The following USP53 variants were observed in gnomAD, a reference collection of about 807,000 sequenced individuals.
USP53 encodes ubiquitin carboxyl-terminal hydrolase 53.
Under a neutral mutation model 94.9 loss-of-function variants are expected in USP53, and 71 were observed. The ratio of observed to expected loss-of-function variants is 0.75; its 90% CI spans 0.62 to 0.91. The LOEUF (loss-of-function observed/expected upper bound fraction) is 0.91. Among genes scored for constraint, USP53 ranks in the 40% least tolerant of loss-of-function variants. USP53 has a pLI of 0.00. For missense variants in USP53, 1,173 were observed against 1,281.0 expected (o/e 0.92, Z 1.29); for synonymous variants, 375 against 422.7 (o/e 0.89, Z 1.39).
chr4:119,233,014 A>G (rs1746266417), intron 3 of USP53, among the ~76,000 whole-genome samples: 2 of 151,574 alleles, frequency 1.3e-5, no homozygotes, highest in Non-Finnish European at 2.9e-5. Flanking sequence ...TAAGCTTTTC[A>G]TTTTTTCTTG....
rs778653161 is a variant in USP53 at position 119,293,229 on chromosome 4, C to A, written c.*18C>A. 6.4e-7 allele frequency: 1 copy of A among 1,556,740 alleles called. No homozygotes were observed. Among genetic ancestry groups the A allele is most frequent in the South Asian group, 1.2e-5 (1 of 81,670 alleles). ...TATCTTAGAGTGAAAAAGGACTAGA[C>A]CTGTGTTACATAATAATCTTGGTTC... On this transcript the variant is annotated 3_prime_UTR_variant, in exon 19 of 19. Coordinates refer to ENST00000692078, the MANE Select transcript of USP53 (RefSeq NM_001371395.1).
Position 119,260,546 on chromosome 4 carries a change from A to G in USP53, c.715A>G (p.Met239Val), listed in dbSNP as rs2149386099. 6.2e-7 allele frequency: 1 copy of G among 1,613,868 alleles called. No homozygotes were observed. The highest frequency in any genetic ancestry group is 8.5e-7 in the Non-Finnish European group (1 of 1,179,858). Residue 239 changes from methionine (M) to valine (V), a missense_variant, in exon 11 of 19, where the codon ATG becomes GTG. By Grantham distance (21) the Met-to-Val change is conservative. Transcript: ENST00000692078. ...GQKIKIRRVL[M>V]NCPEIVTIGL... ...AAAAATAAAAATTCGCCGTGTTTTA[A>G]TGAATTGCCCAGAGATTGTTACAAT...
intron 9 of USP53, among the ~76,000 whole-genome samples, chr4:119,259,295 A>C (rs6845327): frequency 7.5e-6 from 1 of 133,554 alleles, no homozygotes; most frequent in African/African-American, 2.8e-5. Flanking sequence ...AAAAAAAAAA[A>C]GGGGGGGGAG....
At position 119,260,572 on chromosome 4, in the gene USP53, T is replaced by G; in HGVS notation, c.741T>G (p.Ile247Met). 6.2e-7 allele frequency: 1 copy of G among 1,614,066 alleles called. No individual in the cohort carries two copies. Among genetic ancestry groups the G allele is most frequent in the Non-Finnish European group, 8.5e-7 (1 of 1,179,944 alleles). Residue 247 changes from isoleucine (I) to methionine (M), a missense_variant, in exon 11 of 19, where the codon ATT (isoleucine) becomes ATG (methionine). Transcript: ENST00000692078. Reference sequence around the variant, plus strand: ...TGAATTGCCCAGAGATTGTTACAATTGGTTTAGTCTGGGACTCCGAGCATT... The same window carrying G: ...TGAATTGCCCAGAGATTGTTACAATGGGTTTAGTCTGGGACTCCGAGCATT... ...VLMNCPEIVT[I>M]GLVWDSEHSD...
chr4:119,292,332 T>C lies in USP53; in HGVS notation c.2349-6T>C. 6.4e-7 allele frequency: 1 copy of C among 1,564,832 alleles called. No individual in the cohort carries two copies. The highest frequency in any genetic ancestry group is 1.2e-5 in the South Asian group (1 of 82,162). On this transcript the variant is annotated splice_polypyrimidine_tract_variant and splice_region_variant and intron_variant, in intron 18 of 18. Transcript: ENST00000692078. ...TTCTAGCTTTGTTTTTATTTTCATA[T>C]TTCAGATCACATGTACATGAAGACA...
chr4:119,260,032 T>A, intron 10 of USP53, 107 bp downstream of exon 10: 1 of 714,674 alleles, frequency 1.4e-6, no homozygotes, highest in Non-Finnish European at 2.1e-6. Context: ...GAATTAGCTT[T>A]AAGAATTTTT....
Position 119,292,350 on chromosome 4 carries a change from TG to T in USP53, c.2362del (p.Glu788LysfsTer46). On this transcript the variant is annotated frameshift_variant, in exon 19 of 19. Transcript: ENST00000692078. LOFTEE classifies it low-confidence loss of function (END_TRUNC). ...NHLIKRSHVH[E>X]DNGKLFPSSS... ...TTTCATATTTCAGATCACATGTACA[TG>T]AAGACAATGGAAAGTTATTTCCTTC... 1 of 1,600,096 alleles carries T rather than the reference TG, an allele frequency of 6.2e-7. No individual in the cohort carries two copies. Among genetic ancestry groups the T allele is most frequent in the South Asian group, 1.1e-5 (1 of 88,422 alleles).
chr4:119,248,223 C>G (rs35434465), intron 6 of USP53, among the ~76,000 whole-genome samples: 41,659 of 146,582 alleles, frequency 0.28, 6,012 homozygotes, highest in East Asian at 0.38. Flanking sequence ...AATGATGTTT[C>G]CAGTTTCTTA....
rs749089898 is a variant in USP53 at position 119,292,351 on chromosome 4, G to A, written c.2362G>A (p.Glu788Lys). The A allele has an allele frequency of 4.4e-6, 7 of 1,599,870 alleles. No individual in the cohort carries two copies. Among genetic ancestry groups the A allele is most frequent in the African/African-American group, 1.4e-5 (1 of 74,024 alleles). ...TTCATATTTCAGATCACATGTACAT[G>A]AAGACAATGGAAAGTTATTTCCTTC... Reference protein sequence around the residue: ...NHLIKRSHVHEDNGKLFPSSS... With the variant: ...NHLIKRSHVHKDNGKLFPSSS... Residue 788 changes from glutamate (E) to lysine (K), a missense_variant, in exon 19 of 19, where the codon GAA becomes AAA. Physicochemically the swap from Glu to Lys is moderately conservative, Grantham distance 56. Transcript: ENST00000692078.
chr4:119,279,711 C>T (rs1247020253), intron 17 of USP53, among the ~76,000 whole-genome samples: 1 of 152,204 alleles, frequency 6.6e-6, no homozygotes, highest in Non-Finnish European at 1.5e-5. Flanking sequence ...TCGCTGTCGC[C>T]TTGCAGTTTG....
At position 119,271,930 on chromosome 4, in the gene USP53, C is replaced by G; in HGVS notation, c.2070C>G (p.Ser690Arg). The G allele has an allele frequency of 6.2e-7, 1 of 1,614,130 alleles. No homozygotes were observed. The highest frequency in any genetic ancestry group is 1.1e-5 in the South Asian group (1 of 91,080). The stretch of plus-strand genomic sequence containing the variant: ...AAAGGACTGAGTCTGGATATGAAAG[C>G]AGTGATCACATCAGTAATGGTTCTA... ...QMQRTESGYE[S>R]SDHISNGSTN... The change falls in exon 16 of 19, where the codon AGC (serine) becomes AGG (arginine). Residue 690 changes from serine (S) to arginine (R), a missense_variant. Transcript: ENST00000692078.
chr4:119,236,596 C>A (rs142983747), intron 4 of USP53, among the ~76,000 whole-genome samples: 179 of 152,362 alleles, frequency 1.2e-3, no homozygotes, highest in African/African-American at 4.1e-3. Context: ...ACAATGTGCA[C>A]AGCATCTTCA....
intron 15 of USP53, 74 bp downstream of exon 15, chr4:119,269,911 C>G: frequency 1.0e-6 from 1 of 981,194 alleles, no homozygotes; most frequent in Non-Finnish European, 1.3e-6. Flanking sequence ...AATTTTATAA[C>G]TTTAATTTCT....
intron 2 of USP53, among the ~76,000 whole-genome samples, chr4:119,215,982 T>C (rs1743687012): frequency 1.3e-5 from 2 of 152,196 alleles, no homozygotes; most frequent in East Asian, 3.8e-4. Flanking sequence ...CCTTTGGAAG[T>C]TTTTTACTGC....
chr4:119,281,970 C>T (rs535578170), intron 17 of USP53, among the ~76,000 whole-genome samples: 1 of 152,194 alleles, frequency 6.6e-6, no homozygotes, highest in African/African-American at 2.4e-5. Flanking sequence ...AACAGCTCCC[C>T]ATTCTCCCCT....
intron 1 of USP53, among the ~76,000 whole-genome samples, chr4:119,213,427 C>A (rs1425376247): frequency 6.6e-6 from 1 of 151,722 alleles, no homozygotes; most frequent in Non-Finnish European, 1.5e-5. Flanking sequence ...TTCTAAAGGG[C>A]GGCTTACGGG....
intron 17 of USP53, among the ~76,000 whole-genome samples, chr4:119,282,371 T>G (rs1398815871): frequency 6.6e-6 from 1 of 152,056 alleles, no homozygotes; most frequent in Non-Finnish European, 1.5e-5. Flanking sequence ...GTTATATGTT[T>G]AATGTTTTCA....
At chr4:119,234,105 T>C (rs1362829351) in intron 3 of USP53, among the ~76,000 whole-genome samples, 1 of 152,198 alleles carries the variant, frequency 6.6e-6, no homozygotes, top group African/African-American at 2.4e-5. Flanking sequence ...CTGTTTGTGC[T>C]CTGGTGCTTT....
chr4:119,243,716 T>C (rs764013654), intron 5 of USP53, among the ~76,000 whole-genome samples: 3 of 152,128 alleles, frequency 2.0e-5, no homozygotes, highest in Non-Finnish European at 4.4e-5. Context: ...CTGGTTACAT[T>C]TGGAAGACTT....
Sources: allele counts gnomAD v4.1 joint callset (sites outside exome capture counted in the v4.1 genomes callset), GRCh38; gene constraint gnomAD v4.1.1; transcripts MANE v1.5; gene names NCBI Gene and HGNC (gene_info 2026-07-23, HGNC 2026-07-21).